NCKAP1: variants seen among roughly 807,000 people sequenced by gnomAD.
NCKAP1 encodes the protein NCK associated protein 1.
In NCKAP1, 21 loss-of-function variants were observed where a neutral mutation model predicts 151.2. The ratio of observed to expected loss-of-function variants is 0.14; its 90% CI spans 0.10 to 0.20. The LOEUF (loss-of-function observed/expected upper bound fraction) is 0.20. Ranked by LOEUF, NCKAP1 falls within the 10% of genes least tolerant of loss-of-function variation. The pLI, the probability that NCKAP1 is intolerant of heterozygous loss-of-function variation, is 1.00. For synonymous variants in NCKAP1, 484 were observed against 451.8 expected, an observed-to-expected ratio of 1.07 and a Z score of -0.90; for missense variants, 933 against 1,352.1, an observed-to-expected ratio of 0.69 and a Z score of 4.86.
At chr2:182,966,851 C>G (rs1697582383) in intron 16 of NCKAP1, among the ~76,000 whole-genome samples, 1 of 152,188 alleles carries the variant, frequency 6.6e-6, no homozygotes, top group Admixed American at 6.6e-5. Flanking sequence ...AGTTACCAGG[C>G]ATTTAATTTC....
intron 13 of NCKAP1, 38 bp from the exon 14 acceptor site, chr2:182,978,953 T>G: frequency 1.4e-6 from 2 of 1,455,750 alleles, no homozygotes; most frequent in Non-Finnish European, 1.9e-6. Flanking sequence ...AAAACATCTA[T>G]AGTTGGGAAA....
intron 8 of NCKAP1, among the ~76,000 whole-genome samples, chr2:182,994,474 A>C (rs1049377455): frequency 3.9e-5 from 6 of 151,960 alleles, no homozygotes; most frequent in Non-Finnish European, 8.8e-5. Context: ...CCCCGCCTGT[A>C]CTAAAAATAC....
At position 182,964,434 on chromosome 2, in the gene NCKAP1, C is replaced by T. The variant is rs189785911; in HGVS notation, c.1761+242G>A. On this transcript the variant is annotated intron_variant, in intron 17 of 30. Transcript: ENST00000361354. ...CCACAGATATTAATACCTGACCCAC[C>T]ATTTATCTTAAAAAAGGTAATTCCA... 2.6e-4 allele frequency among the ~76,000 whole-genome samples: 40 copies of T among 152,152 alleles called. 1 individual carries two copies. In the East Asian group the frequency reaches 7.5e-3, roughly 29 times the overall value.
At position 182,962,453 on chromosome 2, in the gene NCKAP1, TG is replaced by T. The variant is rs139688529; in HGVS notation, c.1762-176del. ...AACAACTAACTCACCATACTGTATT[TG>T]AACATAAATGACAAAGTATTTGGTG... is the stretch of plus-strand genomic sequence containing the variant. On this transcript the variant is annotated intron_variant, in intron 17 of 30. Transcript: ENST00000361354. Among the ~76,000 whole-genome samples the T allele has an allele frequency of 9.0e-3, 1,366 of 152,298 alleles. 19 individuals are homozygous for T. The highest frequency in any genetic ancestry group is 0.031 in the African/African-American group (1,301 of 41,570).
chr2:182,985,140 T>C (rs1698025902), intron 10 of NCKAP1, among the ~76,000 whole-genome samples: 1 of 152,212 alleles, frequency 6.6e-6, no homozygotes, highest in African/African-American at 2.4e-5. Flanking sequence ...TGAGGAATGA[T>C]ATAGCACAGA....
chr2:182,959,784 GAGA>G (rs1697404873), intron 18 of NCKAP1, among the ~76,000 whole-genome samples: 1 of 152,218 alleles, frequency 6.6e-6, no homozygotes, highest in Admixed American at 6.5e-5. Flanking sequence ...ATTAGGAAAA[GAGA>G]AAGTCAAATT....
intron 6 of NCKAP1, among the ~76,000 whole-genome samples, chr2:183,000,701 G>A (rs1198857516): frequency 6.6e-6 from 1 of 152,134 alleles, no homozygotes; most frequent in Admixed American, 6.6e-5. Context: ...ATAAATTTGT[G>A]TATAATGTAG....
rs1235865889 is a variant in NCKAP1 at position 182,918,444 on chromosome 2, T to G, written c.*7258A>C. The G allele has an allele frequency of 6.6e-6, 1 of 152,144 alleles. No homozygotes were observed. Among genetic ancestry groups the G allele is most frequent in the Non-Finnish European group, 1.5e-5 (1 of 68,016 alleles). The allele number at this position is 152,144 out of a possible 1,614,324, so 9.4% of individuals were successfully genotyped here. A position where few individuals can be genotyped will look rare whatever the true frequency, so the allele number is the denominator to read the frequency against. ...ATATGGAACCAACCTAAGTGCCCAC[T>G]GACCAATGAGTGGACAAAGAAAGTG... On this transcript the variant is annotated 3_prime_UTR_variant, in exon 31 of 31. Coordinates refer to ENST00000361354, the MANE Select transcript of NCKAP1 (RefSeq NM_013436.5).
intron 10 of NCKAP1, among the ~76,000 whole-genome samples, chr2:182,983,698 T>C (rs1559093149): frequency 6.6e-6 from 1 of 152,202 alleles, no homozygotes; most frequent in Non-Finnish European, 1.5e-5. Flanking sequence ...ATTTATCCAA[T>C]TTTAGTACCA....
At chr2:182,938,546 G>A (rs575126061) in intron 24 of NCKAP1, among the ~76,000 whole-genome samples, 70 of 152,224 alleles carry the variant, frequency 4.6e-4, no homozygotes, top group Non-Finnish European at 8.1e-4. Context: ...CACCAAGAGT[G>A]GACAGGTGGG....
Position 182,925,715 on chromosome 2 carries a change from G to A in NCKAP1, c.3374C>T (p.Thr1125Ile), listed in dbSNP as rs368498921. 229 of 1,554,726 alleles carry A rather than the reference G, an allele frequency of 1.5e-4. No homozygotes were observed. The highest frequency in any genetic ancestry group is 1.8e-4 in the Non-Finnish European group (205 of 1,152,066). ...AYHAVYKQSV[T>I]SSA ...AAGTAGGTAATTTTATGCAGAAGAT[G>A]TAACACTTTGTTTGTAGACAGCATG... Residue 1125 changes from threonine (T) to isoleucine (I), a missense_variant, in exon 31 of 31, where the codon ACA becomes ATA. Transcript: ENST00000361354.
Position 183,009,421 on chromosome 2 carries a change from G to GGGAAGGGAA in NCKAP1, c.220-6097_220-6096insTTCCCTTCC, listed in dbSNP as rs1553517550. Among the ~76,000 whole-genome samples the GGGAAGGGAA allele has an allele frequency of 6.1e-5, 5 of 82,574 alleles. No individual in the cohort carries two copies. In the East Asian group the frequency reaches 1.2e-3, roughly 20 times the overall value. 54.2% of individuals were successfully genotyped at this position (82,574 alleles called of 152,430 possible). On this transcript the variant is annotated intron_variant, in intron 2 of 30. Transcript: ENST00000361354. ...GGAGGGGGAGACAGGAAAGAGGGAAGGGAAGGAAGGAAGGAAGGAAGGAAG... is the reference window on the plus strand; with the variant it reads ...GGAGGGGGAGACAGGAAAGAGGGAAGGGAAGGGAAGGAAGGAAGGAAGGAAGGAAGGAAG...
At chr2:182,982,049 TCTAA>T (rs1287405180) in intron 12 of NCKAP1, among the ~76,000 whole-genome samples, 1 of 152,074 alleles carries the variant, frequency 6.6e-6, no homozygotes, top group African/African-American at 2.4e-5. Context: ...GCTCCATTTT[TCTAA>T]CTCTTATTGA....
rs372466196 is a variant in NCKAP1 at position 182,964,697 on chromosome 2, C to G, written c.1740G>C (p.Thr580=). The change falls in exon 17 of 31, where the codon ACG becomes ACC. Residue 580 remains threonine, a synonymous_variant. Transcript: ENST00000361354. ...TTACCTCTTCTGGACATAGTTCATG[C>G]GTGCAACTCATAAAATGAGTGCAAA... ...PLLCTHFMSC[T]HELCPEERHH... 3 of 1,601,806 alleles carry G rather than the reference C, an allele frequency of 1.9e-6. No individual in the cohort carries two copies. In the South Asian group the frequency reaches 3.4e-5, roughly 18 times the overall value.
intron 24 of NCKAP1, 163 bp from the exon 25 acceptor site, chr2:182,935,538 G>A (rs1696856044): frequency 4.1e-6 from 2 of 487,294 alleles, no homozygotes; most frequent in Middle Eastern, 1.1e-3. Flanking sequence ...AGAGAAAGAT[G>A]TTGATAGCTG....
At chr2:183,009,247 C>T (rs901633362) in intron 2 of NCKAP1, among the ~76,000 whole-genome samples, 4 of 151,870 alleles carry the variant, frequency 2.6e-5, no homozygotes, top group Admixed American at 6.6e-5. Flanking sequence ...GCAGGTTAGC[C>T]ACCTGTGGTC....
In NCKAP1 at chr2:182,962,245, A is replaced by G. The variant is rs1207191025; in HGVS notation, c.1795T>C (p.Cys599Arg). 1.2e-6 allele frequency: 2 copies of G among 1,610,478 alleles called. No individual in the cohort carries two copies. The highest frequency in any genetic ancestry group is 1.7e-6 in the Non-Finnish European group (2 of 1,177,042). ...HHIGDRSLSL[C>R]NMFLDEMAKQ... is the part of the protein sequence containing the mutation. Reference sequence around the variant, plus strand: ...GCCATTTCATCTAGGAACATATTACATAAGGAAAGACTGCGATCTCCAATA... The same window carrying G: ...GCCATTTCATCTAGGAACATATTACGTAAGGAAAGACTGCGATCTCCAATA... Residue 599 changes from cysteine (C) to arginine (R), a missense_variant, in exon 18 of 31, where the codon TGT becomes CGT. Cys to Arg is a radical substitution (Grantham distance 180, BLOSUM62 -3). This residue lies in a region of NCKAP1 where 607 missense variants were observed against 795.0 expected (regional missense o/e 0.76). Coordinates refer to ENST00000361354, the MANE Select transcript of NCKAP1 (RefSeq NM_013436.5).
chr2:182,974,271 A>AG (rs1404299858), intron 15 of NCKAP1, among the ~76,000 whole-genome samples: 2 of 151,726 alleles, frequency 1.3e-5, no homozygotes, highest in East Asian at 3.9e-4. Flanking sequence ...AAAAAAAAAA[A>AG]AAAAAAAAAA....
At chr2:182,950,969 A>T (rs1364303341) in intron 23 of NCKAP1, among the ~76,000 whole-genome samples, 1 of 151,976 alleles carries the variant, frequency 6.6e-6, no homozygotes, top group Non-Finnish European at 1.5e-5. Context: ...AGTAGCTGGG[A>T]TTACAAGTGC....
Sources: allele counts gnomAD v4.1 joint callset (sites outside exome capture counted in the v4.1 genomes callset), GRCh38; gene constraint gnomAD v4.1.1; regional missense constraint gnomAD v4.1.1; transcripts MANE v1.5; gene names NCBI Gene and HGNC (gene_info 2026-07-23, HGNC 2026-07-21).